TSHZ2: variants seen among roughly 807,000 people sequenced by gnomAD.
TSHZ2 encodes teashirt zinc finger homeobox 2.
In TSHZ2, 21 loss-of-function variants were observed where a neutral mutation model predicts 74.4. That is an observed-to-expected ratio of 0.28 (90% confidence interval 0.20 to 0.41). The LOEUF is 0.41. TSHZ2 is among the 10% of genes least tolerant of loss of function. The pLI is 1.00. For synonymous variants in TSHZ2, 540 were observed against 515.3 expected (o/e 1.05, Z -0.65); for missense variants, 1,244 against 1,293.5 (o/e 0.96, Z 0.59).
At chr20:53,092,193 G>T (rs930128070) in intron 1 of TSHZ2, among the ~76,000 whole-genome samples, 2 of 151,902 alleles carry the variant, frequency 1.3e-5, no homozygotes, top group African/African-American at 4.8e-5. Context: ...ATTGACATCA[G>T]TTCCAATCCT....
At chr20:53,419,726 G>A (rs1485593321) in intron 2 of TSHZ2, among the ~76,000 whole-genome samples, 1 of 152,196 alleles carries the variant, frequency 6.6e-6, no homozygotes, top group Non-Finnish European at 1.5e-5. Flanking sequence ...GAGAATCAGA[G>A]TCAACAAGTG....
At chr20:53,434,434 T>C (rs781723648) in intron 2 of TSHZ2, among the ~76,000 whole-genome samples, 8 of 152,142 alleles carry the variant, frequency 5.3e-5, no homozygotes, top group Non-Finnish European at 7.3e-5. Flanking sequence ...CAAGAGTAAC[T>C]CATAAGAAGT....
In TSHZ2 at chr20:53,255,457, C is replaced by T. The variant is rs1417439128; in HGVS notation, c.1999C>T (p.Pro667Ser). 18 of 1,610,372 alleles carry T rather than the reference C, an allele frequency of 1.1e-5. No homozygotes were observed. Among genetic ancestry groups the T allele is most frequent in the Non-Finnish European group, 1.5e-5 (18 of 1,179,722 alleles). Residue 667 changes from proline to serine, a missense_variant, in exon 2 of 3, where the codon CCC (proline) becomes TCC (serine). Transcript: ENST00000371497. This position sits in a 1 kb window ranked among gnomAD's most constrained non-coding sequence, Gnocchi z 4.1. ...GAAAGAGGGCAGCGAGAAGGAGAAACCCCAGCCCCTGGAGCCCACATCTGC... is the reference window on the plus strand; with the variant it reads ...GAAAGAGGGCAGCGAGAAGGAGAAATCCCAGCCCCTGGAGCCCACATCTGC... ...LMKEGSEKEK[P>S]QPLEPTSALS...
chr20:53,322,804 G>C (rs967244192), intron 2 of TSHZ2, among the ~76,000 whole-genome samples: 8 of 152,302 alleles, frequency 5.3e-5, no homozygotes, highest in Non-Finnish European at 1.2e-4. Context: ...AAACACCCAC[G>C]TAAAACGCTA....
chr20:53,480,120 G>A (rs556727267), intron 2 of TSHZ2, among the ~76,000 whole-genome samples: 14 of 148,834 alleles, frequency 9.4e-5, no homozygotes, highest in Non-Finnish European at 1.9e-4. Flanking sequence ...CCAGGCTAGA[G>A]TGCAACGATG....
At chr20:53,217,750 G>C (rs1989469104) in intron 1 of TSHZ2, among the ~76,000 whole-genome samples, 1 of 152,246 alleles carries the variant, frequency 6.6e-6, no homozygotes, top group Admixed American at 6.5e-5. Flanking sequence ...TATGGCTAAG[G>C]GCTACATTTG....
At chr20:53,288,481 A>G (rs796183436) in intron 2 of TSHZ2, among the ~76,000 whole-genome samples, 21 of 152,124 alleles carry the variant, frequency 1.4e-4, no homozygotes, top group African/African-American at 4.3e-4. Flanking sequence ...ATTTGTTAAT[A>G]GAAGTCTAGT....
chr20:53,333,382 GAGA>G (rs1310322344), intron 2 of TSHZ2, among the ~76,000 whole-genome samples: 10 of 151,978 alleles, frequency 6.6e-5, no homozygotes, highest in African/African-American at 2.2e-4. Context: ...TTGAAGTGGA[GAGA>G]AGGAGATGTC....
At chr20:53,145,926 G>C (rs1465123874) in intron 1 of TSHZ2, among the ~76,000 whole-genome samples, 1 of 152,168 alleles carries the variant, frequency 6.6e-6, no homozygotes. Flanking sequence ...TTGGACTGCT[G>C]TCTGATTTGA....
At chr20:53,480,257 CTG>C (rs1986114762) in intron 2 of TSHZ2, among the ~76,000 whole-genome samples, 1 of 151,730 alleles carries the variant, frequency 6.6e-6, no homozygotes, top group African/African-American at 2.4e-5. Context: ...TTAATAGAGA[CTG>C]GGTTTCTCCA....
chr20:53,231,638 A>G (rs1213098122), intron 1 of TSHZ2, among the ~76,000 whole-genome samples: 1 of 152,174 alleles, frequency 6.6e-6, no homozygotes, highest in Non-Finnish European at 1.5e-5. Flanking sequence ...AGCATTTACT[A>G]CGTGCCTGGA....
At chr20:53,435,686 T>G (rs1984028455) in intron 2 of TSHZ2, among the ~76,000 whole-genome samples, 1 of 152,278 alleles carries the variant, frequency 6.6e-6, no homozygotes, top group East Asian at 1.9e-4. Context: ...GCTAATTTTT[T>G]GTATTTTTAG....
intron 1 of TSHZ2, among the ~76,000 whole-genome samples, chr20:52,989,166 A>AC (rs1489045426): frequency 8.3e-5 from 7 of 84,616 alleles, no homozygotes; most frequent in Non-Finnish European, 1.3e-4. Flanking sequence ...CTGTCTGGCA[A>AC]AAAAAAAAAA....
intron 2 of TSHZ2, among the ~76,000 whole-genome samples, chr20:53,433,049 G>A (rs1277373107): frequency 2.0e-5 from 3 of 152,110 alleles, no homozygotes; most frequent in Admixed American, 1.3e-4. Flanking sequence ...TGAAATAACA[G>A]TACTAGCTAC....
chr20:53,478,609 A>G (rs1487758483), intron 2 of TSHZ2, among the ~76,000 whole-genome samples: 1 of 151,918 alleles, frequency 6.6e-6, no homozygotes, highest in Non-Finnish European at 1.5e-5. Context: ...ACATGTATAC[A>G]TATGTAACTA....
chr20:53,237,124 C>T (rs1215473421), intron 1 of TSHZ2, among the ~76,000 whole-genome samples: 3 of 152,284 alleles, frequency 2.0e-5, no homozygotes, highest in South Asian at 2.1e-4. Context: ...TCTAAAACAA[C>T]TCACATGAGA....
intron 1 of TSHZ2, among the ~76,000 whole-genome samples, chr20:53,071,387 A>G (rs1985169583): frequency 6.6e-6 from 1 of 152,262 alleles, no homozygotes. Flanking sequence ...TCCGACTGCT[A>G]AATTAAAATT....
Position 52,972,712 on chromosome 20 carries a change from A to AGGAGGAAGAAAAGAAGGAGGAGGT in TSHZ2, c.-575_-552dup, listed in dbSNP as rs1981160087. The stretch of plus-strand genomic sequence containing the variant: ...GAGATCGGCGAGGAGGAGGAGGAGG[A>AGGAGGAAGAAAAGAAGGAGGAGGT]GGAGGAAGAAAAGAAGGAGGAGGTG... On this transcript the variant is annotated 5_prime_UTR_variant, in exon 1 of 3. Transcript: ENST00000371497. The AGGAGGAAGAAAAGAAGGAGGAGGT allele has an allele frequency of 6.6e-6, 1 of 151,830 alleles. No homozygotes were observed. The highest frequency in any genetic ancestry group is 2.5e-5 in the African/African-American group (1 of 40,112). 9.4% of individuals were successfully genotyped at this position (151,830 alleles called of 1,614,324 possible). A position where few individuals can be genotyped will look rare whatever the true frequency, so the allele number is the denominator to read the frequency against.
At chr20:53,137,040 T>A (rs1011142203) in intron 1 of TSHZ2, among the ~76,000 whole-genome samples, 4 of 152,158 alleles carry the variant, frequency 2.6e-5, no homozygotes, top group Admixed American at 6.5e-5. Context: ...GTGTCTGCCC[T>A]CCTCTGCCTG....
Sources: gnomAD v4.1 joint callset for allele counts (sites outside exome capture counted in the v4.1 genomes callset) on GRCh38, gnomAD v4.1.1 for gene constraint, Gnocchi (gnomAD v3.1) non-coding constraint, MANE v1.5 for transcripts, NCBI Gene and HGNC (gene_info 2026-07-23, HGNC 2026-07-21) for gene names.